Variants in TBC1D19 observed in about 807,000 individuals in gnomAD.
TBC1D19 encodes the protein TBC1 domain family, member 19.
In TBC1D19, 60 loss-of-function variants were observed where a neutral mutation model predicts 89.0. The ratio of observed to expected loss-of-function variants is 0.67; its 90% CI spans 0.55 to 0.84. The LOEUF is 0.84. Ranked by LOEUF, TBC1D19 falls within the 40% of genes least tolerant of loss-of-function variation. The pLI is 0.00. For synonymous variants in TBC1D19, 189 were observed against 199.7 expected (o/e 0.95, Z 0.45); for missense variants, 500 against 610.8 (o/e 0.82, Z 1.91).
At chr4:26,692,773 T>A (rs1314924306) in intron 13 of TBC1D19, among the ~76,000 whole-genome samples, 1 of 152,028 alleles carries the variant, frequency 6.6e-6, no homozygotes, top group Non-Finnish European at 1.5e-5. Context: ...AGGACAAACC[T>A]CAAAGACTGG....
At chr4:26,784,162 A>G in the TBC1D19 span, among the ~76,000 whole-genome samples, 1 of 152,296 alleles carries the variant, frequency 6.6e-6, no homozygotes, top group East Asian at 1.9e-4. Context: ...CCAGGCATAC[A>G]AAACAACCTG....
the TBC1D19 span, among the ~76,000 whole-genome samples, chr4:26,804,546 G>A: frequency 6.6e-6 from 1 of 152,248 alleles, no homozygotes; most frequent in East Asian, 1.9e-4. Context: ...CCTGGAGGGA[G>A]CCAGTAGGAC....
intron 7 of TBC1D19, among the ~76,000 whole-genome samples, chr4:26,651,172 T>C (rs1476797204): frequency 6.6e-6 from 1 of 152,236 alleles, no homozygotes; most frequent in Non-Finnish European, 1.5e-5. Context: ...TTTGTTCTTT[T>C]GGCTTAGTAT....
At chr4:26,840,408 T>G in the TBC1D19 span, among the ~76,000 whole-genome samples, 1 of 152,144 alleles carries the variant, frequency 6.6e-6, no homozygotes, top group Non-Finnish European at 1.5e-5. Context: ...TGGCTCAATT[T>G]TCGTTTAATG....
chr4:26,690,515 G>A (rs549136842), intron 13 of TBC1D19, among the ~76,000 whole-genome samples: 57 of 152,298 alleles, frequency 3.7e-4, no homozygotes, highest in South Asian at 1.9e-3. Flanking sequence ...TGTTAGGGGC[G>A]AATGCAGCTG....
At chr4:26,772,665 G>A in the TBC1D19 span, among the ~76,000 whole-genome samples, 1 of 152,052 alleles carries the variant, frequency 6.6e-6, no homozygotes, top group African/African-American at 2.4e-5. Context: ...GCTCCCTGCT[G>A]TGTGTCCATG....
At chr4:26,596,455 CGTGTGTGTGTGTGTGTGT>C (rs35226421) in intron 1 of TBC1D19, among the ~76,000 whole-genome samples, 4 of 145,006 alleles carry the variant, frequency 2.8e-5, no homozygotes, top group Non-Finnish European at 4.6e-5. Context: ...AATGGTAACT[CGTGTGTGTGTGTGTGTGT>C]GTGTGTGTGT....
At chr4:26,582,777 TA>T (rs553315943), upstream of TBC1D19, among the ~76,000 whole-genome samples, 237 of 152,326 alleles carry the variant, frequency 1.6e-3, no homozygotes, top group African/African-American at 5.5e-3. Context: ...CTTGGTTTGA[TA>T]AACCAACTTT....
Position 26,653,497 on chromosome 4 carries a change from T to C in TBC1D19, c.481-6100T>C, listed in dbSNP as rs568180449. 1.8e-4 allele frequency among the ~76,000 whole-genome samples: 28 copies of C among 152,304 alleles called. No homozygotes were observed. The South Asian group carries it at 5.6e-3, about 30-fold the overall frequency. On this transcript the variant is annotated intron_variant, in intron 7 of 20. Transcript: ENST00000264866. Reference sequence around the variant, plus strand: ...GTGTTAAAGTCTCCCATTATTATTGTGTGGGAGTCTAAGTCTCTTTTTAGG... The same window carrying C: ...GTGTTAAAGTCTCCCATTATTATTGCGTGGGAGTCTAAGTCTCTTTTTAGG...
At chr4:26,612,896 T>C (rs913275420) in intron 1 of TBC1D19, among the ~76,000 whole-genome samples, 2 of 152,074 alleles carry the variant, frequency 1.3e-5, no homozygotes, top group Non-Finnish European at 2.9e-5. Context: ...TAGATAAAGA[T>C]GATAAGGACT....
the TBC1D19 span, among the ~76,000 whole-genome samples, chr4:26,820,485 C>T: frequency 1.3e-5 from 2 of 152,228 alleles, no homozygotes; most frequent in Non-Finnish European, 2.9e-5. Flanking sequence ...CCAAGCATAA[C>T]ATCCTCCAGT....
the TBC1D19 span, among the ~76,000 whole-genome samples, chr4:26,803,641 C>T: frequency 1.3e-5 from 2 of 152,090 alleles, no homozygotes; most frequent in South Asian, 2.1e-4. Context: ...CCTGAGGTCG[C>T]GCTGCCAGTT....
chr4:26,675,701 T>A (rs1488195190), intron 11 of TBC1D19, among the ~76,000 whole-genome samples: 1 of 152,154 alleles, frequency 6.6e-6, no homozygotes, highest in Admixed American at 6.5e-5. Flanking sequence ...AATTTTTTGT[T>A]GAATCGCTTT....
At chr4:26,750,332 T>G (rs1718880200) in intron 19 of TBC1D19, among the ~76,000 whole-genome samples, 1 of 152,188 alleles carries the variant, frequency 6.6e-6, no homozygotes, top group South Asian at 2.1e-4. Flanking sequence ...CTGTATCATT[T>G]TAAAGAGACA....
At chr4:26,756,580 T>C (rs1489161088), downstream of TBC1D19, among the ~76,000 whole-genome samples, 1 of 152,198 alleles carries the variant, frequency 6.6e-6, no homozygotes, top group Non-Finnish European at 1.5e-5. Context: ...TAGGAACTTA[T>C]TGTATCTTCT....
intron 7 of TBC1D19, among the ~76,000 whole-genome samples, chr4:26,641,134 G>C (rs1236585309): frequency 6.6e-6 from 1 of 152,230 alleles, no homozygotes; most frequent in East Asian, 1.9e-4. Flanking sequence ...GCCTAACTTG[G>C]AGACATCTCC....
intron 4 of TBC1D19, among the ~76,000 whole-genome samples, chr4:26,635,177 G>A (rs1393788345): frequency 6.6e-6 from 1 of 152,024 alleles, no homozygotes; most frequent in Non-Finnish European, 1.5e-5. Flanking sequence ...TTAATTAGAA[G>A]TATTTTTTAA....
chr4:26,670,376 A>G (rs188925602), intron 9 of TBC1D19, among the ~76,000 whole-genome samples: 1 of 151,728 alleles, frequency 6.6e-6, no homozygotes, highest in East Asian at 1.9e-4. Flanking sequence ...TACTCTAGTG[A>G]AAAAACAGCT....
intron 4 of TBC1D19, among the ~76,000 whole-genome samples, chr4:26,630,855 C>T (rs569919350): frequency 3.3e-4 from 50 of 152,012 alleles, no homozygotes; most frequent in Admixed American, 2.6e-3. Flanking sequence ...AGTGAGTCAG[C>T]GAGTGAATAA....
Sources: gnomAD v4.1 joint callset for allele counts (sites outside exome capture counted in the v4.1 genomes callset) on GRCh38, gnomAD v4.1.1 for gene constraint, MANE v1.5 for transcripts, NCBI Gene and HGNC (gene_info 2026-07-23, HGNC 2026-07-21) for gene names.